ANO4: variants seen among roughly 807,000 people sequenced by gnomAD.
ANO4 encodes anoctamin-4.
Under a neutral mutation model 141.9 loss-of-function variants are expected in ANO4, and 69 were observed. The ratio of observed to expected loss-of-function variants is 0.49; its 90% CI spans 0.40 to 0.59. ANO4 has a LOEUF of 0.59. Ranked by LOEUF, ANO4 falls within the 20% of genes least tolerant of loss-of-function variation. ANO4 has a pLI of 0.00. For synonymous variants in ANO4, 350 were observed against 394.3 expected, an observed-to-expected ratio of 0.89 and a Z score of 1.33; for missense variants, 894 against 1,162.2, an observed-to-expected ratio of 0.77 and a Z score of 3.36.
chr12:100,999,566 T>C (rs553960665), intron 8 of ANO4, among the ~76,000 whole-genome samples: 20 of 152,252 alleles, frequency 1.3e-4, no homozygotes, highest in African/African-American at 4.8e-4. Context: ...AGGATGAGGA[T>C]GTGGATATCT....
At chr12:100,938,268 C>G (rs974197622) in intron 3 of ANO4, among the ~76,000 whole-genome samples, 2 of 152,206 alleles carry the variant, frequency 1.3e-5, no homozygotes, top group African/African-American at 4.8e-5. Context: ...AGTTACGTGT[C>G]TTTGTTTTCT....
In ANO4 at chr12:100,889,002, G is replaced by A. The variant is rs374417600; in HGVS notation, c.-140-12644G>A. 6.6e-4 allele frequency among the ~76,000 whole-genome samples: 100 copies of A among 150,958 alleles called. 1 individual carries two copies. In the East Asian group the frequency reaches 0.016, roughly 24 times the overall value. ...CCATTAACTCGTCATTTAGCATTAG[G>A]TATATCTCCTAATGCTATCCCTCCC... On this transcript the variant is annotated intron_variant, in intron 1 of 27. Coordinates refer to ENST00000392977, the MANE Select transcript of ANO4 (RefSeq NM_001286615.2).
chr12:100,815,622 A>T (rs1478267065), intron 1 of ANO4, among the ~76,000 whole-genome samples: 1 of 152,148 alleles, frequency 6.6e-6, no homozygotes, highest in African/African-American at 2.4e-5. Flanking sequence ...GTGTGAAAAT[A>T]ATTGTATATA....
At chr12:100,717,471 G>T (rs1186885894), upstream of ANO4, 2 of 397,784 alleles carry the variant, frequency 5.0e-6, no homozygotes, top group Admixed American at 4.4e-5. Context: ...GGCGCAGCGC[G>T]CAGGGGGCCG....
intron 1 of ANO4, among the ~76,000 whole-genome samples, chr12:100,898,691 T>G (rs1593682166): frequency 6.6e-6 from 1 of 152,360 alleles, no homozygotes; most frequent in East Asian, 1.9e-4. Context: ...CATTTTGTGC[T>G]TCCTTCAGAA....
intron 1 of ANO4, among the ~76,000 whole-genome samples, chr12:100,822,542 C>T (rs937408208): frequency 6.6e-6 from 1 of 152,016 alleles, no homozygotes; most frequent in Non-Finnish European, 1.5e-5. Context: ...CACATACACA[C>T]ACGCACAGGG....
chr12:100,799,716 G>A (rs1378874956), intron 1 of ANO4, among the ~76,000 whole-genome samples: 2 of 152,126 alleles, frequency 1.3e-5, no homozygotes, highest in Non-Finnish European at 2.9e-5. Context: ...ACTCCAGCCT[G>A]GCAACAGAGC....
At chr12:100,824,786 A>G (rs908810104) in intron 1 of ANO4, among the ~76,000 whole-genome samples, 8 of 152,082 alleles carry the variant, frequency 5.3e-5, no homozygotes, top group Non-Finnish European at 1.0e-4. Flanking sequence ...TTAAGTTGTC[A>G]TAGAAACCCC....
At chr12:100,926,081 A>G (rs2041860871) in intron 3 of ANO4, among the ~76,000 whole-genome samples, 1 of 152,082 alleles carries the variant, frequency 6.6e-6, no homozygotes. Flanking sequence ...TATGGTTACT[A>G]TGTGATAGAG....
chr12:101,035,959 C>A (rs375425819), intron 9 of ANO4, among the ~76,000 whole-genome samples: 110 of 152,206 alleles, frequency 7.2e-4, no homozygotes, highest in African/African-American at 2.6e-3. Flanking sequence ...ACACAATTTA[C>A]CCATGTCACA....
chr12:101,019,320 T>C (rs973297609), intron 8 of ANO4, among the ~76,000 whole-genome samples: 4 of 152,260 alleles, frequency 2.6e-5, no homozygotes, highest in African/African-American at 9.6e-5. Context: ...CTCTATCTGC[T>C]ACCTAGAAAA....
At chr12:100,920,000 C>G (rs2041557887) in intron 2 of ANO4, among the ~76,000 whole-genome samples, 1 of 151,828 alleles carries the variant, frequency 6.6e-6, no homozygotes, top group African/African-American at 2.4e-5. Flanking sequence ...TTCTAGTTAT[C>G]TAGTAGTCAT....
At chr12:101,070,332 T>A (rs2048760244) in intron 14 of ANO4, among the ~76,000 whole-genome samples, 1 of 151,974 alleles carries the variant, frequency 6.6e-6, no homozygotes, top group South Asian at 2.1e-4. Context: ...TATAGACCAA[T>A]GGGATAGAAT....
chr12:100,764,906 TA>T (rs1455112172), intron 3 of ANO4, among the ~76,000 whole-genome samples: 2 of 152,234 alleles, frequency 1.3e-5, no homozygotes, highest in East Asian at 3.8e-4. Flanking sequence ...TCATCAGGAA[TA>T]TTGGCCTGCA....
chr12:100,735,908 A>T (rs776986738), intron 2 of ANO4, among the ~76,000 whole-genome samples: 1 of 152,224 alleles, frequency 6.6e-6, no homozygotes, highest in Non-Finnish European at 1.5e-5. Context: ...CAGAGAGTTC[A>T]GTCAAATCTT....
chr12:101,096,674 C>G, intron 19 of ANO4, 27 bp downstream of exon 19: 1 of 1,554,926 alleles, frequency 6.4e-7, no homozygotes, highest in Non-Finnish European at 8.9e-7. Flanking sequence ...TGCACACCTC[C>G]CCAAGCTGAG....
At chr12:101,077,090 T>C (rs1326681917) in intron 14 of ANO4, among the ~76,000 whole-genome samples, 1 of 152,186 alleles carries the variant, frequency 6.6e-6, no homozygotes. Flanking sequence ...CAATTTATGC[T>C]TTCTCCCTGA....
chr12:101,007,326 G>T (rs1283747862), intron 8 of ANO4, among the ~76,000 whole-genome samples: 1 of 152,136 alleles, frequency 6.6e-6, no homozygotes, highest in Non-Finnish European at 1.5e-5. Flanking sequence ...CTCCAGCCTG[G>T]GGGAGAGAGT....
chr12:101,092,110 C>A (rs563159987), intron 17 of ANO4, among the ~76,000 whole-genome samples: 58 of 152,112 alleles, frequency 3.8e-4, no homozygotes, highest in Admixed American at 3.7e-3. Flanking sequence ...GCCAAATAGG[C>A]CAACAAAGGC....
Sources: allele counts gnomAD v4.1 joint callset (sites outside exome capture counted in the v4.1 genomes callset), GRCh38; gene constraint gnomAD v4.1.1; transcripts MANE v1.5; gene names NCBI Gene and HGNC (gene_info 2026-07-23, HGNC 2026-07-21).